CALN1: variants seen among roughly 807,000 people sequenced by gnomAD.
The protein encoded by CALN1 is calneuron 1.
CALN1 carries 17 observed loss-of-function variants against 30.6 expected under a neutral mutation model. The ratio of observed to expected loss-of-function variants is 0.56; its 90% CI spans 0.38 to 0.83. CALN1 has a LOEUF of 0.83. CALN1 is among the 40% of genes least tolerant of loss of function. The pLI is 0.00. For synonymous variants in CALN1, 156 were observed against 131.4 expected, an observed-to-expected ratio of 1.19 and a Z score of -1.28; for missense variants, 291 against 354.9, an observed-to-expected ratio of 0.82 and a Z score of 1.45.
intron 2 of CALN1, among the ~76,000 whole-genome samples, chr7:72,318,033 T>C (rs1038618853): frequency 2.5e-4 from 38 of 152,306 alleles, no homozygotes; most frequent in African/African-American, 8.4e-4. Context: ...TGAGCGTCTA[T>C]GGCTGCTCAC....
At chr7:72,008,657 ATTTT>A (rs377110167) in intron 5 of CALN1, among the ~76,000 whole-genome samples, 1 of 139,284 alleles carries the variant, frequency 7.2e-6, no homozygotes, top group Non-Finnish European at 1.6e-5. Flanking sequence ...AAGACTTTCA[ATTTT>A]TTTTTTTTTT....
intron 3 of CALN1, among the ~76,000 whole-genome samples, chr7:72,199,960 A>G (rs562828423): frequency 6.4e-4 from 97 of 152,248 alleles, no homozygotes; most frequent in African/African-American, 2.0e-3. Context: ...TGAAACAATG[A>G]CGGGCAGCCT....
In CALN1 at chr7:72,097,347, T is replaced by A. The variant is rs557598180; in HGVS notation, c.388+8804A>T. Reference sequence around the variant, plus strand: ...AAAATGCAGAAATCAGTCAAATACATCCCTTAGGTCTTGAGGATATCAAGC... The same window carrying A: ...AAAATGCAGAAATCAGTCAAATACAACCCTTAGGTCTTGAGGATATCAAGC... On this transcript the variant is annotated intron_variant, in intron 4 of 6. Transcript: ENST00000395275. Among the ~76,000 whole-genome samples the A allele has an allele frequency of 4.6e-5, 7 of 152,198 alleles. No homozygotes were observed. In the South Asian group the frequency reaches 1.5e-3, roughly 32 times the overall value.
chr7:72,499,869 C>A, the CALN1 span, among the ~76,000 whole-genome samples: 1 of 61,836 alleles, frequency 1.6e-5, no homozygotes. Flanking sequence ...TTCTTTCTTT[C>A]TTTCTTTCTT....
chr7:72,272,738 G>A (rs1797078022), intron 3 of CALN1, among the ~76,000 whole-genome samples: 1 of 152,118 alleles, frequency 6.6e-6, no homozygotes, highest in African/African-American at 2.4e-5. Context: ...TACATTGACA[G>A]TAAATCATGC....
intron 5 of CALN1, among the ~76,000 whole-genome samples, chr7:71,860,194 AT>A (rs112576017): frequency 0.26 from 35,758 of 137,010 alleles, 4,079 homozygotes; most frequent in African/African-American, 0.34. Flanking sequence ...CTTTATTTTC[AT>A]TTTTTTTTTT....
chr7:72,336,672 G>A (rs959161378), intron 2 of CALN1: 7 of 984,002 alleles, frequency 7.1e-6, no homozygotes, highest in African/African-American at 3.5e-5. Context: ...GCGCGCGCGC[G>A]GGTAAGCTAG....
intron 3 of CALN1, among the ~76,000 whole-genome samples, chr7:72,169,494 T>A (rs374875082): frequency 1.8e-4 from 26 of 145,578 alleles, no homozygotes; most frequent in Admixed American, 3.4e-4. Flanking sequence ...TGATTATTTT[T>A]TTTTTTTTTT....
intron 3 of CALN1, among the ~76,000 whole-genome samples, chr7:72,223,269 G>C (rs929347998): frequency 1.3e-5 from 2 of 152,110 alleles, no homozygotes; most frequent in African/African-American, 4.8e-5. Flanking sequence ...GCACATGGGA[G>C]AAATAAAATC....
chr7:72,365,138 C>G (rs1477345887), intron 2 of CALN1, among the ~76,000 whole-genome samples: 5 of 152,170 alleles, frequency 3.3e-5, no homozygotes, highest in African/African-American at 1.2e-4. Flanking sequence ...AACCCAGTCT[C>G]TACTAAAAAT....
intron 2 of CALN1, among the ~76,000 whole-genome samples, chr7:72,339,700 G>A (rs1442177524): frequency 6.6e-6 from 1 of 152,220 alleles, no homozygotes. Flanking sequence ...AGGCCTCACA[G>A]TCATGGCAGA....
chr7:71,996,562 T>A (rs1462543657), intron 5 of CALN1, among the ~76,000 whole-genome samples: 2 of 152,216 alleles, frequency 1.3e-5, no homozygotes, highest in Non-Finnish European at 2.9e-5. Flanking sequence ...GGACATGATC[T>A]CATTCTGTTT....
At chr7:71,813,879 C>T (rs866865877) in intron 5 of CALN1, among the ~76,000 whole-genome samples, 44 of 146,026 alleles carry the variant, frequency 3.0e-4, no homozygotes, top group Admixed American at 3.0e-3. Flanking sequence ...TGCAGTGAGC[C>T]GACATTGTGT....
chr7:72,409,607 T>C (rs192991751), intron 1 of CALN1, among the ~76,000 whole-genome samples: 5 of 152,034 alleles, frequency 3.3e-5, no homozygotes, highest in African/African-American at 1.2e-4. Flanking sequence ...TTTGATCCCT[T>C]TCAAAGTATC....
intron 2 of CALN1, among the ~76,000 whole-genome samples, chr7:72,363,812 C>T (rs1803712173): frequency 6.6e-6 from 1 of 151,052 alleles, no homozygotes; most frequent in Non-Finnish European, 1.5e-5. Flanking sequence ...ACTGCAACCC[C>T]CGCCTCCTGG....
chr7:72,305,680 C>T (rs750089573), intron 2 of CALN1, among the ~76,000 whole-genome samples: 1 of 152,190 alleles, frequency 6.6e-6, no homozygotes, highest in Admixed American at 6.5e-5. Flanking sequence ...TCTAGAACAG[C>T]ACTTTTAAGA....
At chr7:72,336,269 C>G (rs952595649) in intron 2 of CALN1, among the ~76,000 whole-genome samples, 1 of 152,220 alleles carries the variant, frequency 6.6e-6, no homozygotes, top group African/African-American at 2.4e-5. Flanking sequence ...GGCGCTCCCA[C>G]CTGGGCTGCG....
chr7:72,276,179 T>C (rs538982369), intron 3 of CALN1, among the ~76,000 whole-genome samples: 3 of 152,302 alleles, frequency 2.0e-5, no homozygotes, highest in South Asian at 4.1e-4. Context: ...CAGTGGGTCC[T>C]GCACGCATGG....
chr7:72,376,013 CTTCT>C (rs751475829), intron 2 of CALN1, among the ~76,000 whole-genome samples: 6 of 152,164 alleles, frequency 3.9e-5, no homozygotes, highest in Non-Finnish European at 8.8e-5. Context: ...CATATACAGC[CTTCT>C]GTGTCCAGTT....
Sources: gnomAD v4.1 joint callset for allele counts (sites outside exome capture counted in the v4.1 genomes callset) on GRCh38, gnomAD v4.1.1 for gene constraint, MANE v1.5 for transcripts, NCBI Gene and HGNC (gene_info 2026-07-23, HGNC 2026-07-21) for gene names.